Variants in METAP1 observed in about 807,000 individuals in gnomAD.
METAP1 encodes methionine aminopeptidase 1.
A neutral mutation model predicts 53.8 loss-of-function variants in METAP1; 28 were observed. The observed-to-expected ratio is 0.52, with a 90% CI of 0.39 to 0.71. The LOEUF is 0.71. Ranked by LOEUF, METAP1 falls within the 30% of genes least tolerant of loss-of-function variation. The pLI is 0.00. For missense variants in METAP1, 389 were observed against 479.8 expected (o/e 0.81, Z 1.77); for synonymous variants, 181 against 165.7 (o/e 1.09, Z -0.71).
intron 2 of METAP1, among the ~76,000 whole-genome samples, chr4:99,030,192 T>C (rs979687997): frequency 2.0e-5 from 3 of 152,152 alleles, no homozygotes; most frequent in Non-Finnish European, 2.9e-5. Flanking sequence ...GGTTAAACAA[T>C]ATGTTAGTAA....
intron 1 of METAP1, chr4:99,022,919 C>T: frequency 2.7e-6 from 4 of 1,502,416 alleles, no homozygotes; most frequent in Non-Finnish European, 3.6e-6. Context: ...ACGCATCTGA[C>T]CTCACCATAG....
chr4:99,033,535 C>T (rs1195207336), intron 2 of METAP1, among the ~76,000 whole-genome samples: 1 of 152,162 alleles, frequency 6.6e-6, no homozygotes, highest in Non-Finnish European at 1.5e-5. Flanking sequence ...ATATTTCAGT[C>T]AGCACACATA....
intron 1 of METAP1, among the ~76,000 whole-genome samples, chr4:99,025,114 C>T (rs1327937867): frequency 6.6e-6 from 1 of 152,252 alleles, no homozygotes; most frequent in East Asian, 1.9e-4. Context: ...CTGCTGCTCA[C>T]CTCCTGCTGT....
intron 1 of METAP1, among the ~76,000 whole-genome samples, chr4:98,998,533 CAAAAA>C (rs1326303990): frequency 2.8e-5 from 4 of 141,504 alleles, no homozygotes; most frequent in Non-Finnish European, 6.5e-5. Context: ...AAGAAAAAAA[CAAAAA>C]CAAAACAAAA....
At chr4:99,003,332 CA>C (rs1184997141) in intron 1 of METAP1, among the ~76,000 whole-genome samples, 46 of 152,210 alleles carry the variant, frequency 3.0e-4, no homozygotes, top group African/African-American at 1.0e-3. Context: ...ATCTTTGCAT[CA>C]CATTCTGAAG....
At chr4:99,001,157 C>T (rs1722906494) in intron 1 of METAP1, among the ~76,000 whole-genome samples, 1 of 152,150 alleles carries the variant, frequency 6.6e-6, no homozygotes, top group Admixed American at 6.5e-5. Context: ...TGGAATTCAT[C>T]TTCATTAAAG....
intron 2 of METAP1, among the ~76,000 whole-genome samples, chr4:99,030,771 T>C (rs981608339): frequency 3.0e-5 from 4 of 134,770 alleles, no homozygotes; most frequent in Non-Finnish European, 6.7e-5. Flanking sequence ...ATGGAGACGA[T>C]ATAGTTAGGT....
At chr4:99,051,624 C>G (rs542846979) in intron 9 of METAP1, among the ~76,000 whole-genome samples, 2 of 152,158 alleles carry the variant, frequency 1.3e-5, no homozygotes, top group East Asian at 3.9e-4. Context: ...CTCCTGGGCT[C>G]AAGCAGTCTG....
chr4:99,004,035 A>G (rs1019954559), intron 1 of METAP1, among the ~76,000 whole-genome samples: 4 of 152,160 alleles, frequency 2.6e-5, no homozygotes, highest in Admixed American at 6.5e-5. Flanking sequence ...TTAATTTGCT[A>G]GAGCAGCTCA....
chr4:99,040,799 A>T, intron 5 of METAP1, among the ~76,000 whole-genome samples: 1 of 151,502 alleles, frequency 6.6e-6, no homozygotes, highest in East Asian at 1.9e-4. Context: ...TAGATTTCTT[A>T]GGATGTATAT....
chr4:99,050,728 G>A (rs957692439), intron 9 of METAP1, among the ~76,000 whole-genome samples: 3 of 152,144 alleles, frequency 2.0e-5, no homozygotes, highest in Non-Finnish European at 4.4e-5. Flanking sequence ...TGCATGTGAG[G>A]GATCTAGGTT....
intron 1 of METAP1, among the ~76,000 whole-genome samples, chr4:99,017,238 G>T (rs531433979): frequency 4.6e-5 from 7 of 152,286 alleles, no homozygotes; most frequent in Admixed American, 4.6e-4. Flanking sequence ...TGTTCATCAG[G>T]CCTCTGTCTG....
At chr4:99,024,882 A>G (rs1047940023) in intron 1 of METAP1, among the ~76,000 whole-genome samples, 1 of 152,056 alleles carries the variant, frequency 6.6e-6, no homozygotes, top group Non-Finnish European at 1.5e-5. Flanking sequence ...CAATTTTTCC[A>G]TGGACTTGGG....
intron 1 of METAP1, chr4:99,005,708 T>G (rs778734842): frequency 2.8e-6 from 1 of 356,178 alleles, no homozygotes; most frequent in Non-Finnish European, 5.4e-6. Flanking sequence ...AAATTTGATA[T>G]ATATACATCA....
intron 1 of METAP1, among the ~76,000 whole-genome samples, chr4:99,013,007 A>T (rs1021252708): frequency 1.3e-5 from 2 of 152,130 alleles, no homozygotes; most frequent in Non-Finnish European, 2.9e-5. Context: ...AAAATAAGGG[A>T]TTGTGAAGAC....
intron 10 of METAP1, among the ~76,000 whole-genome samples, chr4:99,058,300 A>G (rs1050946495): frequency 2.6e-5 from 4 of 152,152 alleles, no homozygotes; most frequent in African/African-American, 9.7e-5. Context: ...GCTTGCCTGT[A>G]ACTTAGCTTG....
At chr4:99,031,101 GTT>G (rs56082818) in intron 2 of METAP1, among the ~76,000 whole-genome samples, 7 of 109,910 alleles carry the variant, frequency 6.4e-5, no homozygotes, top group African/African-American at 1.7e-4. Flanking sequence ...CTCAAAGGTA[GTT>G]TTTTTTTTTT....
intron 8 of METAP1, among the ~76,000 whole-genome samples, chr4:99,048,440 A>G (rs1269386917): frequency 6.6e-6 from 1 of 152,154 alleles, no homozygotes; most frequent in African/African-American, 2.4e-5. Context: ...AGTGGCAGGA[A>G]CACTGCAGCC....
chr4:99,000,786 C>T (rs917898458), intron 1 of METAP1, among the ~76,000 whole-genome samples: 6 of 151,412 alleles, frequency 4.0e-5, no homozygotes, highest in African/African-American at 1.2e-4. Context: ...TCACTGCAAC[C>T]TTCACCTCCC....
Sources: gnomAD v4.1 joint callset for allele counts (sites outside exome capture counted in the v4.1 genomes callset) on GRCh38, gnomAD v4.1.1 for gene constraint, MANE v1.5 for transcripts, NCBI Gene and HGNC (gene_info 2026-07-23, HGNC 2026-07-21) for gene names.